STPG2: variants seen among roughly 807,000 people sequenced by gnomAD.
STPG2 encodes the protein sperm tail PG-rich repeat containing 2.
Under a neutral mutation model 54.2 loss-of-function variants are expected in STPG2, and 56 were observed. The observed-to-expected ratio is 1.03, with a 90% CI of 0.83 to 1.29. The LOEUF is 1.29. Ranked by LOEUF, STPG2 falls within the 50% of genes most tolerant of loss-of-function variation. The pLI, the probability that STPG2 is intolerant of heterozygous loss-of-function variation, is 0.00. For missense variants in STPG2, 596 were observed against 544.9 expected (o/e 1.09, Z -0.93); for synonymous variants, 200 against 181.8 (o/e 1.10, Z -0.81).
chr4:97,638,390 T>C (rs952945421), intron 10 of STPG2, among the ~76,000 whole-genome samples: 2 of 152,022 alleles, frequency 1.3e-5, no homozygotes, highest in South Asian at 2.1e-4. Flanking sequence ...CCATAAAAAC[T>C]CTAGAAGAAA....
At chr4:97,598,431 A>T (rs1248244466) in intron 10 of STPG2, among the ~76,000 whole-genome samples, 2 of 152,148 alleles carry the variant, frequency 1.3e-5, no homozygotes, top group Non-Finnish European at 2.9e-5. Context: ...AGCCAAAGCA[A>T]TCCTAAGCAA....
In STPG2 at chr4:97,857,322, T is replaced by G. The variant is rs529144442; in HGVS notation, c.1045-16390A>C. Among the ~76,000 whole-genome samples, 3 of 152,284 alleles carry G rather than the reference T, an allele frequency of 2.0e-5. No individual in the cohort carries two copies. The South Asian group carries it at 6.2e-4, about 32-fold the overall frequency. The stretch of plus-strand genomic sequence containing the variant: ...TCTTGGTTGGTAGGCTATTTATCAC[T>G]GCCTCAATTTCAGAACTCACTATTG... On this transcript the variant is annotated intron_variant, in intron 8 of 10. Coordinates refer to ENST00000295268, the MANE Select transcript of STPG2 (RefSeq NM_174952.3).
chr4:97,514,221 T>C (rs979041884), intron 4 of STPG2, among the ~76,000 whole-genome samples: 1 of 152,026 alleles, frequency 6.6e-6, no homozygotes, highest in African/African-American at 2.4e-5. Flanking sequence ...GTTCTAAACG[T>C]CCCAGCGTCA....
At chr4:97,933,981 TC>T (rs1732650864) in intron 8 of STPG2, among the ~76,000 whole-genome samples, 1 of 152,234 alleles carries the variant, frequency 6.6e-6, no homozygotes. Flanking sequence ...TGACATTGAT[TC>T]TTCCCAACCA....
intron 4 of STPG2, among the ~76,000 whole-genome samples, chr4:97,463,302 T>C (rs1403128129): frequency 6.6e-6 from 1 of 152,190 alleles, no homozygotes; most frequent in Non-Finnish European, 1.5e-5. Context: ...TGCACATGTT[T>C]ATATATAAAT....
At chr4:97,826,001 T>A (rs1728247728) in intron 9 of STPG2, among the ~76,000 whole-genome samples, 1 of 152,156 alleles carries the variant, frequency 6.6e-6, no homozygotes, top group Non-Finnish European at 1.5e-5. Flanking sequence ...TTTACTTAGT[T>A]TGGAGCATCA....
At chr4:97,515,531 A>G (rs1477111797) in intron 4 of STPG2, among the ~76,000 whole-genome samples, 6 of 152,106 alleles carry the variant, frequency 3.9e-5, no homozygotes, top group Admixed American at 3.3e-4. Flanking sequence ...TCTCCAGAGT[A>G]GTAAATTGTA....
intron 6 of STPG2, among the ~76,000 whole-genome samples, chr4:97,978,024 T>A (rs1734550777): frequency 6.6e-6 from 1 of 152,212 alleles, no homozygotes; most frequent in South Asian, 2.1e-4. Flanking sequence ...AGATTCTAAC[T>A]AAGGAAATTT....
chr4:97,950,590 A>C (rs2149239298), intron 7 of STPG2, among the ~76,000 whole-genome samples: 1 of 152,236 alleles, frequency 6.6e-6, no homozygotes, highest in East Asian at 1.9e-4. Flanking sequence ...TGGTATTTCC[A>C]AGATTTCATC....
At chr4:98,109,642 A>G (rs754377543) in intron 3 of STPG2, among the ~76,000 whole-genome samples, 66 of 152,180 alleles carry the variant, frequency 4.3e-4, no homozygotes, top group Non-Finnish European at 6.5e-4. Context: ...AAAAAGAGAG[A>G]GGGGATAACA....
At chr4:97,640,061 G>C (rs1413213022) in intron 10 of STPG2, among the ~76,000 whole-genome samples, 1 of 151,914 alleles carries the variant, frequency 6.6e-6, no homozygotes, top group Non-Finnish European at 1.5e-5. Context: ...GTTATTTAGG[G>C]TTTACTATGG....
At chr4:98,044,344 T>C (rs1271381180) in intron 5 of STPG2, among the ~76,000 whole-genome samples, 1 of 152,192 alleles carries the variant, frequency 6.6e-6, no homozygotes, top group Non-Finnish European at 1.5e-5. Context: ...AAAATTCTCT[T>C]TAGCAATTTG....
intron 4 of STPG2, chr4:97,489,757 T>C (rs1403873260): frequency 6.6e-6 from 1 of 151,658 alleles, no homozygotes; most frequent in Non-Finnish European, 1.5e-5. Flanking sequence ...GAAATAATTC[T>C]CTTATTTCCT....
chr4:97,527,974 C>A (rs1331062512), intron 4 of STPG2, among the ~76,000 whole-genome samples: 1 of 151,986 alleles, frequency 6.6e-6, no homozygotes, highest in Admixed American at 6.6e-5. Context: ...ATGCTAGTTT[C>A]TTTTGTTGTG....
chr4:98,111,549 C>T (rs1263496254), intron 3 of STPG2, among the ~76,000 whole-genome samples: 1 of 152,128 alleles, frequency 6.6e-6, no homozygotes, highest in East Asian at 1.9e-4. Context: ...CCACTAACAC[C>T]TAGCCCCCAC....
intron 4 of STPG2, among the ~76,000 whole-genome samples, chr4:97,503,444 G>A (rs1730769265): frequency 6.6e-6 from 1 of 151,488 alleles, no homozygotes; most frequent in African/African-American, 2.4e-5. Context: ...ATTTCAAAAT[G>A]TACCAACTAA....
chr4:97,878,391 G>A (rs1405108826), intron 8 of STPG2, among the ~76,000 whole-genome samples: 1 of 152,216 alleles, frequency 6.6e-6, no homozygotes, highest in Admixed American at 6.5e-5. Context: ...CCCCACCCCT[G>A]CAGCAAACTC....
intron 9 of STPG2, among the ~76,000 whole-genome samples, chr4:97,831,497 G>A (rs1728459760): frequency 6.6e-6 from 1 of 152,058 alleles, no homozygotes; most frequent in Non-Finnish European, 1.5e-5. Flanking sequence ...TCAAGAGCTA[G>A]CAGAAGACAA....
intron 9 of STPG2, among the ~76,000 whole-genome samples, chr4:97,784,077 A>G (rs1039336649): frequency 1.3e-5 from 2 of 151,670 alleles, no homozygotes; most frequent in African/African-American, 2.4e-5. Context: ...TTAAAAAAAA[A>G]AAAAGAAAAA....
Sources: gnomAD v4.1 joint callset for allele counts (sites outside exome capture counted in the v4.1 genomes callset) on GRCh38, gnomAD v4.1.1 for gene constraint, MANE v1.5 for transcripts, NCBI Gene and HGNC (gene_info 2026-07-23, HGNC 2026-07-21) for gene names.